Variants in CMTM8 observed in about 807,000 individuals in gnomAD.
The protein encoded by CMTM8 is CKLF-like MARVEL transmembrane domain-containing protein 8.
In CMTM8, 12 loss-of-function variants were observed where a neutral mutation model predicts 18.6. The ratio of observed to expected loss-of-function variants is 0.65; its 90% CI spans 0.41 to 1.05. The LOEUF (loss-of-function observed/expected upper bound fraction) is 1.05. Among genes scored for constraint, CMTM8 ranks in the 50% least tolerant of loss-of-function variants. The pLI is 0.00. For missense variants in CMTM8, 217 were observed against 227.2 expected (o/e 0.95, Z 0.29); for synonymous variants, 87 against 90.6 (o/e 0.96, Z 0.23).
At chr3:32,255,147 C>T (rs1347275430) in intron 1 of CMTM8, among the ~76,000 whole-genome samples, 1 of 151,864 alleles carries the variant, frequency 6.6e-6, no homozygotes, top group African/African-American at 2.4e-5. Flanking sequence ...GTAGAAATAC[C>T]ACATTTTATT....
intron 1 of CMTM8, among the ~76,000 whole-genome samples, chr3:32,330,210 T>C (rs1272223045): frequency 1.3e-5 from 2 of 151,164 alleles, no homozygotes; most frequent in Admixed American, 6.6e-5. Flanking sequence ...TTTTTTTTTT[T>C]TTTTTTTGCA....
At chr3:32,323,263 G>A (rs754597145) in intron 1 of CMTM8, among the ~76,000 whole-genome samples, 54 of 152,126 alleles carry the variant, frequency 3.5e-4, no homozygotes, top group Non-Finnish European at 6.0e-4. Flanking sequence ...CCACGCATCC[G>A]TCTAGCTTCC....
intron 1 of CMTM8, among the ~76,000 whole-genome samples, chr3:32,317,971 C>T (rs1695962256): frequency 1.3e-5 from 2 of 149,688 alleles, no homozygotes; most frequent in South Asian, 4.2e-4. Context: ...AGGAGAATCG[C>T]TTGAAACCAG....
chr3:32,299,366 C>T (rs1695567207), intron 1 of CMTM8, among the ~76,000 whole-genome samples: 1 of 152,176 alleles, frequency 6.6e-6, no homozygotes, highest in African/African-American at 2.4e-5. Flanking sequence ...CATTGAAATG[C>T]CAAGATTCTA....
intron 1 of CMTM8, among the ~76,000 whole-genome samples, chr3:32,333,267 C>T (rs1172570192): frequency 2.0e-5 from 3 of 152,044 alleles, no homozygotes; most frequent in Non-Finnish European, 4.4e-5. Flanking sequence ...TGTTTAAAAC[C>T]CCTTGTAGCT....
chr3:32,326,334 A>G (rs1696153810), intron 1 of CMTM8, among the ~76,000 whole-genome samples: 1 of 152,128 alleles, frequency 6.6e-6, no homozygotes, highest in South Asian at 2.1e-4. Context: ...TTAACCTGCC[A>G]TTCTGAGCAC....
At chr3:32,264,250 T>C (rs571811280) in intron 1 of CMTM8, among the ~76,000 whole-genome samples, 101 of 152,316 alleles carry the variant, frequency 6.6e-4, no homozygotes, top group Non-Finnish European at 1.3e-3. Flanking sequence ...ACAGCTGCTC[T>C]CTCAGCAGAA....
intron 1 of CMTM8, among the ~76,000 whole-genome samples, chr3:32,271,069 A>G (rs1319385248): frequency 6.6e-6 from 1 of 152,224 alleles, no homozygotes; most frequent in African/African-American, 2.4e-5. Flanking sequence ...ACATTACCAT[A>G]TTTCAGAGGC....
intron 1 of CMTM8, among the ~76,000 whole-genome samples, chr3:32,302,191 G>A (rs1362754822): frequency 6.6e-6 from 1 of 152,046 alleles, no homozygotes; most frequent in African/African-American, 2.4e-5. Flanking sequence ...CTACTTGGAG[G>A]TGGGGGCTAA....
intron 1 of CMTM8, among the ~76,000 whole-genome samples, chr3:32,303,599 A>G (rs1383654016): frequency 1.3e-5 from 2 of 152,142 alleles, no homozygotes; most frequent in South Asian, 2.1e-4. Flanking sequence ...TTGTTTACAC[A>G]TTGATGGTAA....
intron 1 of CMTM8, among the ~76,000 whole-genome samples, chr3:32,242,177 T>A (rs1369978079): frequency 6.6e-6 from 1 of 152,226 alleles, no homozygotes; most frequent in Non-Finnish European, 1.5e-5. Context: ...TAAGAAAGCA[T>A]GCATGTGGAA....
intron 1 of CMTM8, among the ~76,000 whole-genome samples, chr3:32,295,865 A>G (rs1702870075): frequency 6.6e-6 from 1 of 152,050 alleles, no homozygotes; most frequent in East Asian, 1.9e-4. Flanking sequence ...TATCCACCCT[A>G]CGTTCCAGCT....
intron 1 of CMTM8, among the ~76,000 whole-genome samples, chr3:32,321,927 A>G (rs942400527): frequency 2.8e-4 from 43 of 152,238 alleles, no homozygotes; most frequent in African/African-American, 1.0e-3. Flanking sequence ...TTGTTCAAAC[A>G]CAGCCATGCC....
chr3:32,270,699 G>A (rs934881440), intron 1 of CMTM8, among the ~76,000 whole-genome samples: 4 of 152,066 alleles, frequency 2.6e-5, no homozygotes, highest in South Asian at 2.1e-4. Flanking sequence ...GAAGGGGAAC[G>A]TCACAACCCG....
intron 1 of CMTM8, among the ~76,000 whole-genome samples, chr3:32,344,277 T>A (rs1321729194): frequency 1.3e-5 from 2 of 152,196 alleles, no homozygotes; most frequent in Non-Finnish European, 2.9e-5. Flanking sequence ...CAGCTGGTGC[T>A]TTACTTCTAG....
At chr3:32,355,890 T>A (rs1193447936) in intron 1 of CMTM8, among the ~76,000 whole-genome samples, 2 of 152,238 alleles carry the variant, frequency 1.3e-5, no homozygotes, top group Non-Finnish European at 2.9e-5. Flanking sequence ...GTCTCGCTAG[T>A]GCTTTCAGCC....
chr3:32,301,320 A>G (rs917311107), intron 1 of CMTM8, among the ~76,000 whole-genome samples: 19 of 152,126 alleles, frequency 1.2e-4, no homozygotes, highest in Admixed American at 5.9e-4. Flanking sequence ...TGCATACTCT[A>G]TATGAGTCAA....
chr3:32,250,762 A>T, intron 1 of CMTM8, among the ~76,000 whole-genome samples: 1 of 151,968 alleles, frequency 6.6e-6, no homozygotes. Flanking sequence ...TTATATAAAA[A>T]ATTTATACAA....
intron 1 of CMTM8, among the ~76,000 whole-genome samples, chr3:32,298,025 T>C (rs928709389): frequency 2.0e-5 from 3 of 151,088 alleles, no homozygotes; most frequent in Non-Finnish European, 4.4e-5. Flanking sequence ...TGCTCAGAAC[T>C]CCAACAAAAG....
Sources: allele counts gnomAD v4.1 joint callset (sites outside exome capture counted in the v4.1 genomes callset), GRCh38; gene constraint gnomAD v4.1.1; transcripts MANE v1.5; gene names NCBI Gene and HGNC (gene_info 2026-07-23, HGNC 2026-07-21).